ZNF324B: variants seen among roughly 807,000 people sequenced by gnomAD.
ZNF324B encodes the protein zinc finger protein 324B.
A neutral mutation model predicts 10.6 loss-of-function variants in ZNF324B; 7 were observed. That is an observed-to-expected ratio of 0.66 (90% CI 0.38 to 1.24). ZNF324B has a LOEUF of 1.24. Ranked by LOEUF, ZNF324B falls within the 50% of genes most tolerant of loss-of-function variation. ZNF324B has a pLI of 0.02. For missense variants in ZNF324B, 640 were observed against 764.7 expected, an observed-to-expected ratio of 0.84 and a Z score of 1.92; for synonymous variants, 316 against 321.0, an observed-to-expected ratio of 0.98 and a Z score of 0.17.
chr19:58,453,311 G>T (rs2052880514), intron 1 of ZNF324B: 1 of 284,756 alleles, frequency 3.5e-6, no homozygotes, highest in Non-Finnish European at 6.9e-6. Flanking sequence ...ATGCCTGGGG[G>T]GTCCACAGCT....
At chr19:58,426,254 A>T in the ZNF324B span, among the ~76,000 whole-genome samples, 34 of 152,190 alleles carry the variant, frequency 2.2e-4, no homozygotes, top group African/African-American at 8.2e-4. Context: ...ATTGGGGTCC[A>T]AGGTGAGAGG....
chr19:58,454,224 A>G lies in ZNF324B; in HGVS notation c.122-4A>G, dbSNP rs201219350. On this transcript the variant is annotated splice_polypyrimidine_tract_variant and splice_region_variant and intron_variant, in intron 2 of 3. Coordinates refer to ENST00000336614, the MANE Select transcript of ZNF324B (RefSeq NM_207395.3). ...GCTGGGCTCTCACCTGCTCCTCCTC[A>G]CAGGACTCTCTACCTCCCGACCTCG... The G allele has an allele frequency of 6.2e-7, 1 of 1,609,602 alleles. No individual in the cohort carries two copies. Among genetic ancestry groups the G allele is most frequent in the East Asian group, 2.2e-5 (1 of 44,842 alleles).
the ZNF324B span, chr19:58,440,131 A>G: frequency 9.6e-6 from 4 of 417,676 alleles, no homozygotes; most frequent in African/African-American, 6.4e-5. Context: ...CCAACCCACC[A>G]GCAGCAAAAT....
In ZNF324B at chr19:58,455,948, A is replaced by C; in HGVS notation, c.1004A>C (p.His335Pro). 6.3e-7 allele frequency: 1 copy of C among 1,594,932 alleles called. No homozygotes were observed. The highest frequency in any genetic ancestry group is 8.6e-7 in the Non-Finnish European group (1 of 1,168,364). ...SSSLVRHQRI[H>P]TAEKSFRCSE... ...TCGCTGGTGCGGCACCAGCGCATCC[A>C]CACGGCCGAGAAGTCCTTCCGCTGC... is the stretch of plus-strand genomic sequence containing the variant. The change falls in exon 4 of 4, where the codon CAC becomes CCC. Residue 335 changes from histidine to proline, a missense_variant. Transcript: ENST00000336614. This position sits in a 1 kb window ranked among gnomAD's most constrained non-coding sequence, Gnocchi z 7.0.
At chr19:58,436,709 T>C in the ZNF324B span, among the ~76,000 whole-genome samples, 21 of 143,818 alleles carry the variant, frequency 1.5e-4, no homozygotes, top group Admixed American at 6.9e-4. Context: ...AAAAATCTCA[T>C]TGGGAAAGAG....
the ZNF324B span, chr19:58,433,745 T>C: frequency 6.2e-7 from 1 of 1,613,832 alleles, no homozygotes; most frequent in South Asian, 1.1e-5. Context: ...GGCCTTTCTT[T>C]TGTGTGAACT....
Position 58,455,697 on chromosome 19 carries a change from C to A in ZNF324B, c.753C>A (p.His251Gln), listed in dbSNP as rs781049156. ...GGGACGAGCTGGGCGAGGCTCTTCACGCTGGGGAGAAGTCCTTCGAATGCA... is the reference window on the plus strand; with the variant it reads ...GGGACGAGCTGGGCGAGGCTCTTCAAGCTGGGGAGAAGTCCTTCGAATGCA... ...STWDELGEAL[H>Q]AGEKSFECRA... Residue 251 changes from histidine to glutamine, a missense_variant, in exon 4 of 4, where the codon CAC becomes CAA. Transcript: ENST00000336614. The surrounding 1 kb of genome is among the most constrained non-coding windows in gnomAD (Gnocchi z 7.0). The A allele has an allele frequency of 3.7e-6, 6 of 1,613,544 alleles. No individual in the cohort carries two copies. The highest frequency in any genetic ancestry group is 1.7e-4 in the Middle Eastern group (1 of 6,060).
chr19:58,444,028 C>G, the ZNF324B span: 1 of 152,240 alleles, frequency 6.6e-6, no homozygotes, highest in Non-Finnish European at 1.5e-5. Context: ...AGAGAGGCCC[C>G]ATGGTGCACC....
chr19:58,433,999 G>A, the ZNF324B span: 4 of 1,614,224 alleles, frequency 2.5e-6, no homozygotes, highest in African/African-American at 1.3e-5. Context: ...CCGTTCTCCA[G>A]TGTGAACTTT....
the ZNF324B span, chr19:58,440,140 A>C: frequency 6.8e-5 from 26 of 381,838 alleles, no homozygotes; most frequent in East Asian, 2.5e-4. Context: ...CAGCAGCAAA[A>C]TGAGGACCGC....
rs1346477860 is a variant in ZNF324B, at chr19:58,457,666, G to T, written c.*1087G>T. Reference sequence around the variant, plus strand: ...CTCCCCAACCCAGTGTGATGGGCCTGCATGGCAGAGACAAAAGGGTAGACT... The same window carrying T: ...CTCCCCAACCCAGTGTGATGGGCCTTCATGGCAGAGACAAAAGGGTAGACT... On this transcript the variant is annotated 3_prime_UTR_variant, in exon 4 of 4. Transcript: ENST00000336614. 1 of 152,122 alleles carries T rather than the reference G, an allele frequency of 6.6e-6. No individual in the cohort carries two copies. The highest frequency in any genetic ancestry group is 1.5e-5 in the Non-Finnish European group (1 of 68,074). 9.4% of individuals were successfully genotyped at this position (152,122 alleles called of 1,614,324 possible).
chr19:58,444,604 G>A, the ZNF324B span: 2 of 152,336 alleles, frequency 1.3e-5, no homozygotes, highest in East Asian at 3.8e-4. Flanking sequence ...TCACTGCATG[G>A]TACTGACCTG....
At chr19:58,422,117 A>C in the ZNF324B span, among the ~76,000 whole-genome samples, 2 of 152,096 alleles carry the variant, frequency 1.3e-5, no homozygotes, top group Admixed American at 6.6e-5. Context: ...AGGGTTTGCT[A>C]TGTTGGCTAG....
At chr19:58,418,670 T>C in the ZNF324B span, 1 of 152,140 alleles carries the variant, frequency 6.6e-6, no homozygotes, top group Non-Finnish European at 1.5e-5. Flanking sequence ...AGTGCAGTAG[T>C]GTGAAGCTAG....
the ZNF324B span, chr19:58,436,303 G>C: frequency 6.5e-6 from 1 of 154,018 alleles, no homozygotes; most frequent in Non-Finnish European, 1.5e-5. Context: ...AAAACATATA[G>C]AAATCACTAG....
At chr19:58,454,987 AC>A (rs1349194149) in intron 3 of ZNF324B, 195 bp from the exon 4 acceptor site, 2 of 776,536 alleles carry the variant, frequency 2.6e-6, no homozygotes, top group East Asian at 5.3e-5. Context: ...GGGAGTCCCC[AC>A]TGCAGTCAGT....
upstream of ZNF324B, among the ~76,000 whole-genome samples, chr19:58,450,016 C>T (rs1232966324): frequency 2.0e-5 from 3 of 152,104 alleles, no homozygotes; most frequent in Admixed American, 6.6e-5. Flanking sequence ...TTTCATAATT[C>T]CCACATGTTG....
At chr19:58,434,404 T>A in the ZNF324B span, 1 of 1,614,128 alleles carries the variant, frequency 6.2e-7, no homozygotes, top group African/African-American at 1.3e-5. Flanking sequence ...ATCACACTCA[T>A]AAGGTCTTTC....
chr19:58,435,360 GC>G, the ZNF324B span: 2 of 865,468 alleles, frequency 2.3e-6, no homozygotes, highest in Non-Finnish European at 3.5e-6. Flanking sequence ...GTGAAGAAGG[GC>G]CCATTACTAT....
Sources: gnomAD v4.1 joint callset for allele counts (sites outside exome capture counted in the v4.1 genomes callset) on GRCh38, gnomAD v4.1.1 for gene constraint, Gnocchi (gnomAD v3.1) non-coding constraint, MANE v1.5 for transcripts, NCBI Gene and HGNC (gene_info 2026-07-23, HGNC 2026-07-21) for gene names.